The following GRM5 variants were observed in gnomAD, a reference collection of about 807,000 sequenced individuals.
The protein encoded by GRM5 is glutamate metabotropic receptor 5, also known as metabotropic glutamate receptor 5.
Under a neutral mutation model 83.1 loss-of-function variants are expected in GRM5, and 19 were observed. The ratio of observed to expected loss-of-function variants is 0.23; its 90% confidence interval spans 0.16 to 0.34. The LOEUF (loss-of-function observed/expected upper bound fraction) is 0.34. GRM5 is among the 10% of genes least tolerant of loss of function. The pLI is 1.00. For synonymous variants in GRM5, 675 were observed against 633.6 expected (o/e 1.07, Z -0.98); for missense variants, 1,160 against 1,588.3 (o/e 0.73, Z 4.58).
At chr11:88,804,179 T>C (rs1335724582) in intron 3 of GRM5, among the ~76,000 whole-genome samples, 4 of 150,638 alleles carry the variant, frequency 2.7e-5, no homozygotes, top group Non-Finnish European at 5.9e-5. Context: ...AGCCATCCCA[T>C]TACTGGGTAT....
At chr11:89,031,986 G>T (rs958262779) in intron 2 of GRM5, among the ~76,000 whole-genome samples, 1 of 152,010 alleles carries the variant, frequency 6.6e-6, no homozygotes, top group African/African-American at 2.4e-5. Context: ...AGCATTTATT[G>T]ACTGCCTATT....
At chr11:88,741,788 T>C (rs1942035383) in intron 3 of GRM5, among the ~76,000 whole-genome samples, 1 of 152,036 alleles carries the variant, frequency 6.6e-6, no homozygotes, top group Non-Finnish European at 1.5e-5. Context: ...AAAGCAGTAG[T>C]GGCTCAAAGT....
intron 2 of GRM5, among the ~76,000 whole-genome samples, chr11:88,972,999 T>C (rs1939214208): frequency 6.6e-6 from 1 of 152,116 alleles, no homozygotes; most frequent in African/African-American, 2.4e-5. Context: ...TTTTTAAAAA[T>C]GTTAGGACCA....
At chr11:88,928,256 C>T (rs1215193103) in intron 2 of GRM5, among the ~76,000 whole-genome samples, 3 of 151,992 alleles carry the variant, frequency 2.0e-5, no homozygotes, top group African/African-American at 7.2e-5. Flanking sequence ...AAGGTGCTTA[C>T]CAGTTATATA....
intron 2 of GRM5, among the ~76,000 whole-genome samples, chr11:88,917,615 T>C (rs1395567191): frequency 2.0e-5 from 3 of 152,094 alleles, no homozygotes; most frequent in South Asian, 2.1e-4. Flanking sequence ...CAGAATTCCA[T>C]CAGATAATTT....
At chr11:88,976,299 T>TGACAGTA (rs1388426920) in intron 2 of GRM5, among the ~76,000 whole-genome samples, 1 of 152,178 alleles carries the variant, frequency 6.6e-6, no homozygotes, top group African/African-American at 2.4e-5. Flanking sequence ...ATTGTGGTTG[T>TGACAGTA]GACAGTAATT....
chr11:88,923,326 A>G (rs1945725797), intron 2 of GRM5, among the ~76,000 whole-genome samples: 1 of 152,180 alleles, frequency 6.6e-6, no homozygotes, highest in Non-Finnish European at 1.5e-5. Context: ...ATGAATGGAT[A>G]AGGCAAATGT....
At chr11:88,543,333 A>G (rs1272747316) in intron 8 of GRM5, among the ~76,000 whole-genome samples, 1 of 152,166 alleles carries the variant, frequency 6.6e-6, no homozygotes, top group African/African-American at 2.4e-5. Flanking sequence ...AAGCCTAGGA[A>G]GAGGGCAGGG....
chr11:88,638,046 A>C (rs1377579969), intron 4 of GRM5, among the ~76,000 whole-genome samples: 1 of 151,586 alleles, frequency 6.6e-6, no homozygotes, highest in Non-Finnish European at 1.5e-5. Flanking sequence ...TCAGTAAACT[A>C]TCGCAAGAAC....
At chr11:88,926,768 T>C (rs1565295524) in intron 2 of GRM5, among the ~76,000 whole-genome samples, 1 of 152,162 alleles carries the variant, frequency 6.6e-6, no homozygotes, top group Non-Finnish European at 1.5e-5. Flanking sequence ...TCCACCAAAA[T>C]GTTAACCCTA....
At chr11:88,605,822 A>G (rs207472139) in intron 4 of GRM5, among the ~76,000 whole-genome samples, 4 of 152,230 alleles carry the variant, frequency 2.6e-5, no homozygotes, top group African/African-American at 9.6e-5. Context: ...TTTGACAAGT[A>G]TGGACTTAGT....
intron 2 of GRM5, among the ~76,000 whole-genome samples, chr11:88,950,730 C>A (rs559867): frequency 0.99 from 150,309 of 152,292 alleles, 74,211 homozygotes; most frequent in East Asian, 1. Context: ...AAAACGCTCT[C>A]CTTCTGTCAT....
At chr11:88,679,024 C>T (rs994251499) in intron 3 of GRM5, among the ~76,000 whole-genome samples, 11 of 152,042 alleles carry the variant, frequency 7.2e-5, no homozygotes, top group African/African-American at 2.4e-4. Context: ...AGTTTTCATC[C>T]GAAGTTCAAT....
chr11:88,735,294 A>C (rs952574132), intron 3 of GRM5, among the ~76,000 whole-genome samples: 4 of 152,064 alleles, frequency 2.6e-5, no homozygotes, highest in African/African-American at 7.2e-5. Flanking sequence ...GTGGTCAGTA[A>C]ATTTTGTCTA....
chr11:88,746,512 A>G (rs1237997571), intron 3 of GRM5, among the ~76,000 whole-genome samples: 3 of 151,954 alleles, frequency 2.0e-5, no homozygotes, highest in Admixed American at 2.0e-4. Flanking sequence ...ACTATAGTGG[A>G]CAATTTATTT....
chr11:88,810,615 G>A (rs1482041662), intron 3 of GRM5, among the ~76,000 whole-genome samples: 1 of 152,044 alleles, frequency 6.6e-6, no homozygotes, highest in Non-Finnish European at 1.5e-5. Flanking sequence ...CCTGTTCGTT[G>A]CTCCTACAAA....
intron 4 of GRM5, among the ~76,000 whole-genome samples, chr11:88,626,269 T>G (rs977358781): frequency 6.6e-6 from 1 of 152,220 alleles, no homozygotes; most frequent in Non-Finnish European, 1.5e-5. Flanking sequence ...CATAAAACAT[T>G]CTTAAACGTT....
At chr11:88,787,512 T>C (rs1943096518) in intron 3 of GRM5, among the ~76,000 whole-genome samples, 1 of 152,078 alleles carries the variant, frequency 6.6e-6, no homozygotes, top group Non-Finnish European at 1.5e-5. Flanking sequence ...AATGGCATGA[T>C]TTCCTATAGA....
intron 3 of GRM5, among the ~76,000 whole-genome samples, chr11:88,774,003 C>T (rs566767246): frequency 4.6e-5 from 7 of 152,250 alleles, no homozygotes; most frequent in African/African-American, 1.4e-4. Flanking sequence ...TCATTGGAAG[C>T]TTGATGGGGA....
Sources: gnomAD v4.1 joint callset for allele counts (sites outside exome capture counted in the v4.1 genomes callset) on GRCh38, gnomAD v4.1.1 for gene constraint, MANE v1.5 for transcripts, NCBI Gene and HGNC (gene_info 2026-07-23, HGNC 2026-07-21) for gene names.